The following PAMR1 variants were observed in gnomAD, a reference collection of about 807,000 sequenced individuals.
PAMR1 encodes the protein peptidase domain containing associated with muscle regeneration 1, also known as inactive serine protease PAMR1.
A neutral mutation model predicts 81.8 loss-of-function variants in PAMR1; 88 were observed. The ratio of observed to expected loss-of-function variants is 1.08; its 90% CI spans 0.91 to 1.28. The LOEUF (loss-of-function observed/expected upper bound fraction) is 1.28, where lower values mean the gene tolerates loss of function less well. Among genes scored for constraint, PAMR1 ranks in the 50% most tolerant of loss-of-function variants. The pLI is 0.00. For missense variants in PAMR1, 935 were observed against 919.7 expected, an observed-to-expected ratio of 1.02 and a Z score of -0.21; for synonymous variants, 336 against 345.3, an observed-to-expected ratio of 0.97 and a Z score of 0.30.
chr11:35,455,840 A>G (rs1856517022), intron 6 of PAMR1, among the ~76,000 whole-genome samples: 1 of 151,918 alleles, frequency 6.6e-6, no homozygotes, highest in African/African-American at 2.4e-5. Flanking sequence ...CCAGTTCAAG[A>G]TATTCTACTA....
At chr11:35,441,382 A>C (rs1240846203) in intron 7 of PAMR1, 99 bp downstream of exon 7, 1 of 805,070 alleles carries the variant, frequency 1.2e-6, no homozygotes, top group Non-Finnish European at 2.1e-6. Context: ...TTAAAAGAGA[A>C]AGGCATTTTT....
At chr11:35,462,281 C>A (rs763677611) in intron 6 of PAMR1, among the ~76,000 whole-genome samples, 11 of 152,186 alleles carry the variant, frequency 7.2e-5, no homozygotes, top group Non-Finnish European at 1.2e-4. Flanking sequence ...AGCTCCCTCC[C>A]AAGGCTGTCC....
chr11:35,432,678 T>C lies in PAMR1; in HGVS notation c.1841A>G (p.Asn614Ser). 1 of 1,613,426 alleles carries C rather than the reference T, an allele frequency of 6.2e-7. No homozygotes were observed. The highest frequency in any genetic ancestry group is 8.5e-7 in the Non-Finnish European group (1 of 1,179,368). Residue 614 changes from asparagine to serine, a missense_variant, in exon 11 of 11, where the codon AAC (asparagine) becomes AGC (serine). Asn to Ser is a conservative substitution (Grantham distance 46). Transcript: ENST00000619888. ...LADVRSPGFK[N>S]DTLRSGVVSV... ...GACCACCCCAGAGCGCAGTGTGTCG[T>C]TCTTGAAGCCAGGGCTCCTCACGTC...
intron 3 of PAMR1, among the ~76,000 whole-genome samples, chr11:35,488,669 CTTTTTT>C (rs34053329): frequency 3.0e-4 from 13 of 42,936 alleles, no homozygotes; most frequent in East Asian, 6.8e-4. Context: ...CAAATCTTGC[CTTTTTT>C]TTTTTTTTTT....
rs143612683 is a variant in PAMR1, at chr11:35,463,018, T to C, written c.820+4983A>G. Among the ~76,000 whole-genome samples, 4 of 152,316 alleles carry C rather than the reference T, an allele frequency of 2.6e-5. No homozygotes were observed. In the East Asian group the frequency reaches 7.7e-4, roughly 29 times the overall value. On this transcript the variant is annotated intron_variant, in intron 6 of 10. Transcript: ENST00000619888. Reference sequence around the variant, plus strand: ...TCAGAGATCTCAAAATAATTTGCAGTAATTCCACCTAGCCTGCAGTATATG... The same window carrying C: ...TCAGAGATCTCAAAATAATTTGCAGCAATTCCACCTAGCCTGCAGTATATG...
At chr11:35,522,840 C>T (rs1296585449) in intron 1 of PAMR1, among the ~76,000 whole-genome samples, 1 of 152,184 alleles carries the variant, frequency 6.6e-6, no homozygotes, top group Non-Finnish European at 1.5e-5. Context: ...AACAGCAATG[C>T]CATTTCAGGG....
In PAMR1 at chr11:35,436,405, C is replaced by T. The variant is rs1235375718; in HGVS notation, c.1101-270G>A. On this transcript the variant is annotated intron_variant, in intron 8 of 10. Transcript: ENST00000619888. The stretch of plus-strand genomic sequence containing the variant: ...GTTCAAGCAATTCTTGTGCCTCAGC[C>T]TCCTGAATAGCTGGGATTACAGACA... Among the ~76,000 whole-genome samples the T allele has an allele frequency of 9.9e-5, 15 of 152,062 alleles. 1 individual carries two copies.
intron 6 of PAMR1, among the ~76,000 whole-genome samples, chr11:35,463,175 C>A (rs1015182288): frequency 6.6e-6 from 1 of 152,302 alleles, no homozygotes; most frequent in South Asian, 2.1e-4. Flanking sequence ...GCGCGGGTCT[C>A]CCCTTTGAAG....
At chr11:35,440,594 T>C (rs1486583378) in intron 7 of PAMR1, among the ~76,000 whole-genome samples, 1 of 152,208 alleles carries the variant, frequency 6.6e-6, no homozygotes, top group Non-Finnish European at 1.5e-5. Context: ...AGCCAGATCA[T>C]TGTGGCCTGC....
At chr11:35,523,236 G>T (rs1467571028) in intron 1 of PAMR1, among the ~76,000 whole-genome samples, 8 of 151,952 alleles carry the variant, frequency 5.3e-5, no homozygotes, top group African/African-American at 1.9e-4. Context: ...TCCTTTCTCG[G>T]CTGGCTTTTC....
upstream of PAMR1, among the ~76,000 whole-genome samples, chr11:35,527,503 C>A (rs1359216009): frequency 2.0e-5 from 3 of 152,076 alleles, no homozygotes; most frequent in Non-Finnish European, 2.9e-5. Context: ...TTAAAATAAG[C>A]ACCAAGAGTA....
chr11:35,439,925 T>C (rs1314728031), intron 7 of PAMR1, among the ~76,000 whole-genome samples: 2 of 152,220 alleles, frequency 1.3e-5, no homozygotes, highest in Non-Finnish European at 2.9e-5. Flanking sequence ...CAGATGCCTC[T>C]GAAAGGCTGC....
At chr11:35,443,946 G>A (rs1330776225) in intron 6 of PAMR1, among the ~76,000 whole-genome samples, 1 of 152,190 alleles carries the variant, frequency 6.6e-6, no homozygotes, top group Non-Finnish European at 1.5e-5. Flanking sequence ...TTTCTCTAAT[G>A]ATCAGTGATG....
chr11:35,503,282 G>T (rs900243451), intron 1 of PAMR1, among the ~76,000 whole-genome samples: 1 of 115,104 alleles, frequency 8.7e-6, no homozygotes, highest in African/African-American at 3.8e-5. Flanking sequence ...GATGTCTCCA[G>T]CTTTTTTTTT....
chr11:35,501,558 A>T (rs1337826764), intron 1 of PAMR1, among the ~76,000 whole-genome samples: 2 of 148,546 alleles, frequency 1.3e-5, no homozygotes, highest in Non-Finnish European at 3.0e-5. Flanking sequence ...TTTTTAATTT[A>T]ATTATTATTA....
intron 6 of PAMR1, among the ~76,000 whole-genome samples, chr11:35,456,105 A>C (rs1430610559): frequency 2.0e-5 from 3 of 152,220 alleles, no homozygotes; most frequent in Non-Finnish European, 2.9e-5. Context: ...AAAGACAGAG[A>C]GAGAGCAAGA....
At chr11:35,514,310 C>T (rs535803167) in intron 1 of PAMR1, among the ~76,000 whole-genome samples, 81 of 152,320 alleles carry the variant, frequency 5.3e-4, no homozygotes, top group Non-Finnish European at 7.5e-4. Context: ...ACGAAGGAGG[C>T]GAGATGTAAT....
intron 1 of PAMR1, among the ~76,000 whole-genome samples, chr11:35,510,722 T>C (rs1410432517): frequency 6.6e-6 from 1 of 152,240 alleles, no homozygotes; most frequent in Non-Finnish European, 1.5e-5. Context: ...AAACTGTTTC[T>C]TTTCTTGTAT....
rs751297404 is a variant in PAMR1, at chr11:35,492,119, G to T, written c.305C>A (p.Thr102Asn). 2.5e-6 allele frequency: 4 copies of T among 1,614,034 alleles called. No homozygotes were observed. The highest frequency in any genetic ancestry group is 1.1e-5 in the South Asian group (1 of 91,070). ...KSCRNGSWGG[T>N]LDDFYVKGFY... ...CCCCTTCACATAGAAGTCATCCAAG[G>T]TACCCCCCCATGAGCCATTTCGGCA... is the stretch of plus-strand genomic sequence containing the variant. The change falls in exon 3 of 11, where the codon ACC (threonine) becomes AAC (asparagine). Residue 102 changes from threonine to asparagine, a missense_variant. By Grantham distance (65) the Thr-to-Asn change is moderately conservative. Transcript: ENST00000619888.
Sources: gnomAD v4.1 joint callset for allele counts (sites outside exome capture counted in the v4.1 genomes callset) on GRCh38, gnomAD v4.1.1 for gene constraint, MANE v1.5 for transcripts, NCBI Gene and HGNC (gene_info 2026-07-23, HGNC 2026-07-21) for gene names.